Variants in THSD4 observed in about 807,000 individuals in gnomAD.
THSD4 encodes thrombospondin type 1 domain containing 4, also known as thrombospondin type-1 domain-containing protein 4.
A neutral mutation model predicts 119.0 loss-of-function variants in THSD4; 69 were observed. That is an observed-to-expected ratio of 0.58 (90% confidence interval 0.48 to 0.71). THSD4 has a LOEUF of 0.71. Among genes scored for constraint, THSD4 ranks in the 30% least tolerant of loss-of-function variants. The pLI is 0.00. For missense variants in THSD4, 1,393 were observed against 1,391.1 expected (o/e 1.00, Z -0.02); for synonymous variants, 524 against 540.4 (o/e 0.97, Z 0.42).
rs540081169 is a variant in THSD4 at position 71,708,793 on chromosome 15, C to G, written c.1358-19756C>G. 7.2e-5 allele frequency among the ~76,000 whole-genome samples: 11 copies of G among 152,296 alleles called. No homozygotes were observed. The South Asian group carries it at 2.1e-3, about 29-fold the overall frequency. ...TCTGAGGAAGTTTTTAAGTCACCAC[C>G]TAATTTCTGTCAGCACTTAAAGTGA... On this transcript the variant is annotated intron_variant, in intron 8 of 17. Coordinates refer to ENST00000261862, the MANE Select transcript of THSD4 (RefSeq NM_024817.3).
intron 17 of THSD4, among the ~76,000 whole-genome samples, chr15:71,774,671 G>A (rs1444397315): frequency 1.3e-5 from 2 of 152,004 alleles, no homozygotes; most frequent in African/African-American, 4.8e-5. Flanking sequence ...CACCTACTCA[G>A]GACGCAGAGG....
intron 7 of THSD4, among the ~76,000 whole-genome samples, chr15:71,658,312 G>T (rs143207438): frequency 1.3e-5 from 2 of 152,326 alleles, no homozygotes; most frequent in East Asian, 3.9e-4. Flanking sequence ...GTGTCATTCT[G>T]TGTTCTTTCC....
At chr15:71,661,827 C>G (rs1264923069) in intron 8 of THSD4, among the ~76,000 whole-genome samples, 1 of 152,194 alleles carries the variant, frequency 6.6e-6, no homozygotes, top group Admixed American at 6.5e-5. Context: ...TGAACAGGAA[C>G]TTACCTAAAA....
intron 1 of THSD4, among the ~76,000 whole-genome samples, chr15:71,103,583 G>C (rs989086609): frequency 2.0e-5 from 3 of 151,910 alleles, no homozygotes; most frequent in African/African-American, 7.3e-5. Flanking sequence ...TCAAGTGGCA[G>C]GAGGAGAAAG....
chr15:71,211,593 A>G (rs554102310), intron 3 of THSD4, among the ~76,000 whole-genome samples: 4 of 152,216 alleles, frequency 2.6e-5, no homozygotes, highest in Non-Finnish European at 5.9e-5. Context: ...TCCAAATACA[A>G]TCATACTGAG....
intron 15 of THSD4, among the ~76,000 whole-genome samples, chr15:71,763,449 G>A (rs1022736008): frequency 2.6e-5 from 4 of 152,148 alleles, no homozygotes; most frequent in East Asian, 1.9e-4. Flanking sequence ...AGTGGCTCAC[G>A]CCTGTAATCC....
intron 6 of THSD4, among the ~76,000 whole-genome samples, chr15:71,366,134 C>T (rs1044986105): frequency 3.9e-5 from 6 of 152,056 alleles, no homozygotes; most frequent in African/African-American, 7.2e-5. Flanking sequence ...AGTGCAGTGG[C>T]GTGATCTCGG....
rs1425585373 is a variant in THSD4 at position 71,154,899 on chromosome 15, C to T, written c.66C>T (p.Phe22=). 7.4e-6 allele frequency: 12 copies of T among 1,614,106 alleles called. No individual in the cohort carries two copies. The highest frequency in any genetic ancestry group is 3.3e-5 in the Admixed American group (2 of 60,028). Residue 22 remains phenylalanine, a synonymous_variant, in exon 3 of 18, where the codon TTC becomes TTT. Transcript: ENST00000261862. ...TCCTTCTGCTGCTTGGATTCCAGTT[C>T]GTCTGCCCACAGCCCTCCACTCAAC... ...LCFLLLLGFQ[F]VCPQPSTQHR...
intron 10 of THSD4, among the ~76,000 whole-genome samples, chr15:71,736,431 T>G (rs1316011152): frequency 7.5e-6 from 1 of 132,666 alleles, no homozygotes; most frequent in Admixed American, 7.3e-5. Flanking sequence ...CTTGCTGTCT[T>G]TGTCTCTCTC....
At chr15:71,530,232 G>T (rs2048588055) in intron 7 of THSD4, among the ~76,000 whole-genome samples, 1 of 152,160 alleles carries the variant, frequency 6.6e-6, no homozygotes, top group African/African-American at 2.4e-5. Flanking sequence ...CAGCCGAATG[G>T]CAGTTACAGC....
intron 15 of THSD4, 102 bp downstream of exon 15, chr15:71,758,177 TC>T: frequency 7.4e-7 from 1 of 1,353,318 alleles, no homozygotes; most frequent in Non-Finnish European, 9.9e-7. Context: ...CAGCTTTGAA[TC>T]CCAGCAGTGC....
chr15:71,314,507 A>G (rs1008915052), intron 6 of THSD4, among the ~76,000 whole-genome samples: 2 of 152,060 alleles, frequency 1.3e-5, no homozygotes, highest in African/African-American at 2.4e-5. Context: ...GGGTTTCACC[A>G]TGTTGGCCAG....
chr15:71,654,242 T>C (rs1472650212), intron 7 of THSD4, among the ~76,000 whole-genome samples: 3 of 152,222 alleles, frequency 2.0e-5, no homozygotes, highest in Non-Finnish European at 4.4e-5. Flanking sequence ...ACCTTGTTTG[T>C]TTTACCTTCA....
intron 7 of THSD4, among the ~76,000 whole-genome samples, chr15:71,432,098 C>T (rs143763826): frequency 2.6e-5 from 4 of 151,908 alleles, no homozygotes; most frequent in African/African-American, 4.8e-5. Flanking sequence ...ATTTCTAGGA[C>T]TCGCGTACTA....
At chr15:71,158,178 G>C (rs2040799579) in intron 3 of THSD4, among the ~76,000 whole-genome samples, 1 of 133,792 alleles carries the variant, frequency 7.5e-6, no homozygotes, top group African/African-American at 2.8e-5. Context: ...TTTTGAGATG[G>C]AGTCTCACAC....
intron 7 of THSD4, among the ~76,000 whole-genome samples, chr15:71,541,780 A>G (rs1478295715): frequency 6.6e-6 from 1 of 152,186 alleles, no homozygotes; most frequent in Non-Finnish European, 1.5e-5. Context: ...AAGCAACAGG[A>G]GCTAGCTCAG....
intron 7 of THSD4, among the ~76,000 whole-genome samples, chr15:71,581,945 G>A (rs1404360444): frequency 1.3e-5 from 2 of 152,138 alleles, no homozygotes; most frequent in Middle Eastern, 3.2e-3. Flanking sequence ...CAGAAAGTGT[G>A]ATACTTTCAG....
At chr15:71,119,655 G>T (rs949567921) in intron 1 of THSD4, among the ~76,000 whole-genome samples, 1 of 152,168 alleles carries the variant, frequency 6.6e-6, no homozygotes, top group African/African-American at 2.4e-5. Flanking sequence ...ATTTCTTTTG[G>T]GACCTGAGCG....
chr15:71,282,310 T>C (rs2044662167), intron 6 of THSD4, among the ~76,000 whole-genome samples: 1 of 152,204 alleles, frequency 6.6e-6, no homozygotes. Flanking sequence ...CTGCCTTATT[T>C]GGTGCTTGGA....
Sources: allele counts gnomAD v4.1 joint callset (sites outside exome capture counted in the v4.1 genomes callset), GRCh38; gene constraint gnomAD v4.1.1; transcripts MANE v1.5; gene names NCBI Gene and HGNC (gene_info 2026-07-23, HGNC 2026-07-21).